The following TM9SF2 variants were observed in gnomAD, a reference collection of about 807,000 sequenced individuals.
TM9SF2 encodes transmembrane 9 superfamily member 2.
In TM9SF2, 13 loss-of-function variants were observed where a neutral mutation model predicts 84.9. That is an observed-to-expected ratio of 0.15 (90% CI 0.10 to 0.24). The LOEUF (loss-of-function observed/expected upper bound fraction) is 0.24. Ranked by LOEUF, TM9SF2 falls within the 10% of genes least tolerant of loss-of-function variation. The probability of loss-of-function intolerance (pLI) is 1.00; values close to 1 mark genes in which losing one functional copy is unlikely to be tolerated. For missense variants in TM9SF2, 562 were observed against 818.5 expected, an observed-to-expected ratio of 0.69 and a Z score of 3.82; for synonymous variants, 273 against 285.8, an observed-to-expected ratio of 0.96 and a Z score of 0.45.
intron 2 of TM9SF2, among the ~76,000 whole-genome samples, chr13:99,518,657 C>T (rs1186439206): frequency 6.6e-6 from 1 of 152,070 alleles, no homozygotes; most frequent in Non-Finnish European, 1.5e-5. Flanking sequence ...AGTGCAGTGG[C>T]ACGATCATGG....
At chr13:99,559,265 G>A in intron 15 of TM9SF2, 98 bp from the exon 16 acceptor site, 9 of 1,000,152 alleles carry the variant, frequency 9.0e-6, no homozygotes, top group Non-Finnish European at 1.1e-5. Context: ...ATTAGATTGG[G>A]GGCTGTCTCA....
At chr13:99,551,908 T>C (rs1041096318) in intron 12 of TM9SF2, among the ~76,000 whole-genome samples, 5 of 152,110 alleles carry the variant, frequency 3.3e-5, no homozygotes, top group African/African-American at 1.2e-4. Flanking sequence ...ACAACAGAAT[T>C]GACAATCCCA....
intron 4 of TM9SF2, among the ~76,000 whole-genome samples, chr13:99,532,493 C>T (rs1324049768): frequency 3.3e-5 from 5 of 151,994 alleles, no homozygotes; most frequent in African/African-American, 1.2e-4. Context: ...AGTTCGAGAC[C>T]AGCCTGGCCA....
At chr13:99,551,558 G>A (rs1289449151) in intron 12 of TM9SF2, among the ~76,000 whole-genome samples, 1 of 152,206 alleles carries the variant, frequency 6.6e-6, no homozygotes, top group Non-Finnish European at 1.5e-5. Flanking sequence ...GGATAAAAGG[G>A]AAAGTGGTTG....
At chr13:99,530,013 GTGTGCAATAACATTA>G (rs1323414629) in intron 4 of TM9SF2, among the ~76,000 whole-genome samples, 2 of 151,732 alleles carry the variant, frequency 1.3e-5, no homozygotes, top group Non-Finnish European at 2.9e-5. Flanking sequence ...AGTCTATTAA[GTGTGCAATAACATTA>G]TGTCTAAAAC....
chr13:99,512,650 G>A (rs2046118470), intron 1 of TM9SF2, among the ~76,000 whole-genome samples: 1 of 152,210 alleles, frequency 6.6e-6, no homozygotes, highest in South Asian at 2.1e-4. Flanking sequence ...ATGGTTTCTG[G>A]AAAAGAAGTT....
At chr13:99,533,254 T>G (rs1387079605) in intron 4 of TM9SF2, among the ~76,000 whole-genome samples, 1 of 152,226 alleles carries the variant, frequency 6.6e-6, no homozygotes, top group Non-Finnish European at 1.5e-5. Flanking sequence ...ACACAAGCAG[T>G]ACAAGAAAAT....
At chr13:99,545,654 C>T (rs2046279457) in intron 10 of TM9SF2, among the ~76,000 whole-genome samples, 1 of 152,016 alleles carries the variant, frequency 6.6e-6, no homozygotes, top group South Asian at 2.1e-4. Context: ...GAAACCTCCA[C>T]CTCCTAGGTC....
chr13:99,550,536 C>T (rs983319946), intron 12 of TM9SF2, among the ~76,000 whole-genome samples: 1 of 152,188 alleles, frequency 6.6e-6, no homozygotes, highest in South Asian at 2.1e-4. Flanking sequence ...CAACCCTTCT[C>T]TGATTGATGT....
intron 9 of TM9SF2, among the ~76,000 whole-genome samples, chr13:99,542,629 A>G (rs2046265693): frequency 6.6e-6 from 1 of 151,868 alleles, no homozygotes; most frequent in Non-Finnish European, 1.5e-5. Flanking sequence ...ACCTGTTCTG[A>G]TTGGGGAAAA....
rs566139168 is a variant in TM9SF2, at chr13:99,557,979, C to CT, written c.1753-1383dup. 7.6e-4 allele frequency among the ~76,000 whole-genome samples: 115 copies of CT among 152,266 alleles called. 1 individual carries two copies. The highest frequency in any genetic ancestry group is 2.7e-3 in the African/African-American group (113 of 41,540). On this transcript the variant is annotated intron_variant, in intron 15 of 16. Transcript: ENST00000376387. ...TACCTCATGTATTTAAGTCATTGAT[C>CT]TATTTTGAGTTAGCTTTTGTATTTT...
chr13:99,540,821 G>A, intron 8 of TM9SF2, 28 bp downstream of exon 8: 2 of 1,584,138 alleles, frequency 1.3e-6, no homozygotes, highest in Non-Finnish European at 1.7e-6. Context: ...GCCTGCTTTT[G>A]CTTTCTACTT....
Position 99,552,379 on chromosome 13 carries a change from C to T in TM9SF2, c.1488+53C>T. 2.0e-6 allele frequency: 3 copies of T among 1,530,158 alleles called. No homozygotes were observed. In the South Asian group the frequency reaches 3.6e-5, roughly 18 times the overall value. 94.8% of individuals were successfully genotyped at this position (1,530,158 alleles called of 1,614,324 possible). ...GGTGAATTTTAGCTGCAGAAATTAG[C>T]ATATGCCATCTCAAAAGATACCATA... On this transcript the variant is annotated intron_variant, in intron 13 of 16. Coordinates refer to ENST00000376387, the MANE Select transcript of TM9SF2 (RefSeq NM_004800.3).
chr13:99,507,127 A>G (rs78844652), intron 1 of TM9SF2, among the ~76,000 whole-genome samples: 1 of 152,350 alleles, frequency 6.6e-6, no homozygotes, highest in Non-Finnish European at 1.5e-5. Context: ...TATTTAGATG[A>G]GGAAACAGAA....
intron 2 of TM9SF2, among the ~76,000 whole-genome samples, chr13:99,518,925 T>C (rs1449338055): frequency 3.3e-5 from 5 of 152,140 alleles, no homozygotes; most frequent in Non-Finnish European, 7.4e-5. Context: ...AGTTTTTTGA[T>C]ATTGTGAAAA....
At position 99,501,495 on chromosome 13, in the gene TM9SF2, G is replaced by C. The variant is rs570397642; in HGVS notation, c.-112G>C. The C allele has an allele frequency of 7.2e-7, 1 of 1,384,236 alleles. No individual in the cohort carries two copies. Among genetic ancestry groups the C allele is most frequent in the Non-Finnish European group, 9.7e-7 (1 of 1,026,614 alleles). 85.7% of individuals were successfully genotyped at this position (1,384,236 alleles called of 1,614,324 possible). A position where few individuals can be genotyped will look rare whatever the true frequency, so the allele number is the denominator to read the frequency against. ...CTAGCGCAACCGGAACTAGCCTTCT[G>C]GGGGCCGGCTTCCTTTATCTCTGGC... On this transcript the variant is annotated 5_prime_UTR_variant, in exon 1 of 17. Transcript: ENST00000376387.
At chr13:99,523,484 G>A (rs2046169223) in intron 3 of TM9SF2, among the ~76,000 whole-genome samples, 1 of 152,104 alleles carries the variant, frequency 6.6e-6, no homozygotes, top group Admixed American at 6.6e-5. Context: ...AAAAACTGAG[G>A]TAACAACCAG....
Position 99,540,791 on chromosome 13 carries a change from T to C in TM9SF2, c.906T>C (p.Phe302=), listed in dbSNP as rs1038975940. 6.2e-7 allele frequency: 1 copy of C among 1,613,386 alleles called. No individual in the cohort carries two copies. The highest frequency in any genetic ancestry group is 8.5e-7 in the Non-Finnish European group (1 of 1,179,512). Residue 302 remains phenylalanine (F), a splice_region_variant and synonymous_variant, in exon 8 of 17, where the codon TTT becomes TTC. Coordinates refer to ENST00000376387, the MANE Select transcript of TM9SF2 (RefSeq NM_004800.3). ...TGCCTCATACCCACATTCAGTGGTT[T>C]AGGTAAGAGTACAGAGTTAGCCTGC... The part of the protein sequence containing the change: ...ESMPHTHIQW[F]SIMNSLVIVL...
chr13:99,521,388 T>C (rs1033834187), intron 3 of TM9SF2, among the ~76,000 whole-genome samples: 1 of 152,198 alleles, frequency 6.6e-6, no homozygotes, highest in African/African-American at 2.4e-5. Flanking sequence ...TGACTCCAGG[T>C]GTTATTCCCC....
Sources: gnomAD v4.1 joint callset for allele counts (sites outside exome capture counted in the v4.1 genomes callset) on GRCh38, gnomAD v4.1.1 for gene constraint, MANE v1.5 for transcripts, NCBI Gene and HGNC (gene_info 2026-07-23, HGNC 2026-07-21) for gene names.